The following FERMT1 variants were observed in gnomAD, a reference collection of about 807,000 sequenced individuals.
The protein encoded by FERMT1 is fermitin family homolog 1.
FERMT1 carries 60 observed loss-of-function variants against 85.3 expected under a neutral mutation model. The observed-to-expected ratio is 0.70, with a 90% CI of 0.57 to 0.87. The LOEUF (loss-of-function observed/expected upper bound fraction) is 0.87, where lower values mean the gene tolerates loss of function less well. FERMT1 is among the 40% of genes least tolerant of loss of function. The pLI is 0.00. For synonymous variants in FERMT1, 275 were observed against 301.1 expected (o/e 0.91, Z 0.90); for missense variants, 701 against 818.9 (o/e 0.86, Z 1.76).
intron 14 of FERMT1, 108 bp from the exon 15 acceptor site, chr20:6,077,454 A>G (rs576372952): frequency 1.4e-4 from 135 of 977,380 alleles, no homozygotes; most frequent in South Asian, 1.2e-3. Flanking sequence ...GGTGGATAAC[A>G]GATGGATATC....
In FERMT1 at chr20:6,119,395, G is replaced by C. The variant is rs1490131460; in HGVS notation, c.151+9C>G. On this transcript the variant is annotated intron_variant, in intron 2 of 14. Coordinates refer to ENST00000217289, the MANE Select transcript of FERMT1 (RefSeq NM_017671.5). ...AATACAGAGAAACCGTAAAGCAAGA[G>C]TAACTTACTGATCTGTTCTACTAAC... 1.2e-6 allele frequency: 2 copies of C among 1,613,794 alleles called. No individual in the cohort carries two copies. Among genetic ancestry groups the C allele is most frequent in the Non-Finnish European group, 1.7e-6 (2 of 1,179,676 alleles).
rs753458351 is a variant in FERMT1, at chr20:6,107,597, T to A, written c.784A>T (p.Ile262Phe). 1.2e-6 allele frequency: 2 copies of A among 1,612,954 alleles called. No individual in the cohort carries two copies. The highest frequency in any genetic ancestry group is 1.7e-6 in the Non-Finnish European group (2 of 1,179,196). ...AAGAGCAGCTGCTCATCCTCTTGGA[T>A]GCCTTGTTCCATAAGGGAGCGTGAG... ...DSSRSLMEQG[I>F]QEDEQLLLRF... is the part of the protein sequence containing the mutation. Residue 262 changes from isoleucine (I) to phenylalanine (F), a missense_variant, in exon 6 of 15, where the codon ATC (isoleucine) becomes TTC (phenylalanine). Transcript: ENST00000217289.
chr20:6,111,868 C>CT lies in FERMT1; in HGVS notation c.532+608dup, dbSNP rs11338566. ...TGATTTAACTTATCTTTTTTCTTTTCTTTTTTTTTTTTTGAGACAGGGTCT... is the reference window on the plus strand; with the variant it reads ...TGATTTAACTTATCTTTTTTCTTTTCTTTTTTTTTTTTTTGAGACAGGGTCT... On this transcript the variant is annotated intron_variant, in intron 4 of 14. Coordinates refer to ENST00000217289, the MANE Select transcript of FERMT1 (RefSeq NM_017671.5). Among the ~76,000 whole-genome samples the CT allele has an allele frequency of 6.5e-3, 926 of 142,728 alleles. 7 individuals carry two copies. The highest frequency in any genetic ancestry group is 0.021 in the African/African-American group (806 of 38,808). 93.6% of individuals were successfully genotyped at this position (142,728 alleles called of 152,430 possible).
In FERMT1 at chr20:6,119,672, T is replaced by C. The variant is rs1983213669; in HGVS notation, c.-18-100A>G. 1.2e-5 allele frequency: 11 copies of C among 950,316 alleles called. No homozygotes were observed. The South Asian group carries it at 1.5e-4, about 13-fold the overall frequency. The allele number at this position is 950,316 out of a possible 1,614,324, so 58.9% of individuals were successfully genotyped here. ...AATTTCTTTTTTGTTTTGTTTTTCA[T>C]TGTAACCTCCTCTTCAAAACACTCT... On this transcript the variant is annotated intron_variant, in intron 1 of 14. Transcript: ENST00000217289.
rs571106176 is a variant in FERMT1 at position 6,083,713 on chromosome 20, A to C, written c.1718+327T>G. Among the ~76,000 whole-genome samples, 345 of 151,682 alleles carry C rather than the reference A, an allele frequency of 2.3e-3. 2 individuals are homozygous for C. The highest frequency in any genetic ancestry group is 8.0e-3 in the African/African-American group (332 of 41,336). The stretch of plus-strand genomic sequence containing the variant: ...TCTCTTAAAAAAAAAAAACAAAAAA[A>C]AAAAAACCGAAAAGAAGTTACAGAT... On this transcript the variant is annotated intron_variant, in intron 13 of 14. Transcript: ENST00000217289.
Position 6,120,874 on chromosome 20 carries a change from C to A in FERMT1, c.-18-1302G>T, listed in dbSNP as rs148027390. 2.0e-5 allele frequency among the ~76,000 whole-genome samples: 3 copies of A among 152,262 alleles called. No individual in the cohort carries two copies. In the East Asian group the frequency reaches 5.8e-4, roughly 29 times the overall value. ...GGGTATACTCAGTTCTTCCCTTCAA[C>A]CTATTTAGATCAATATTAAACCAGG... is the stretch of plus-strand genomic sequence containing the variant. On this transcript the variant is annotated intron_variant, in intron 1 of 14. Transcript: ENST00000217289.
At chr20:6,121,454 G>A (rs149790892) in intron 1 of FERMT1, among the ~76,000 whole-genome samples, 261 of 152,252 alleles carry the variant, frequency 1.7e-3, no homozygotes, top group African/African-American at 6.0e-3. Flanking sequence ...AGCATGCAAC[G>A]ATGCAATGCA....
At chr20:6,086,486 A>G (rs369649501) in intron 11 of FERMT1, among the ~76,000 whole-genome samples, 1 of 152,134 alleles carries the variant, frequency 6.6e-6, no homozygotes, top group Admixed American at 6.5e-5. Flanking sequence ...ACAGTTAAAG[A>G]GGGGCGTTCT....
At chr20:6,116,396 TA>T (rs940492824) in intron 2 of FERMT1, among the ~76,000 whole-genome samples, 69 of 151,292 alleles carry the variant, frequency 4.6e-4, no homozygotes, top group African/African-American at 1.6e-3. Context: ...TTAAATCAAA[TA>T]AAAAAATTTA....
At chr20:6,112,378 T>C in intron 4 of FERMT1, 99 bp downstream of exon 4, 1 of 1,248,078 alleles carries the variant, frequency 8.0e-7, no homozygotes, top group Admixed American at 1.7e-5. Flanking sequence ...TTCTGCAATT[T>C]TATTTCTCCT....
chr20:6,097,986 T>C (rs1982556416), intron 6 of FERMT1, among the ~76,000 whole-genome samples: 1 of 151,998 alleles, frequency 6.6e-6, no homozygotes, highest in Non-Finnish European at 1.5e-5. Context: ...GGCTAATGTT[T>C]GTGTTTTTTT....
intron 9 of FERMT1, among the ~76,000 whole-genome samples, chr20:6,092,158 A>T (rs1179086185): frequency 6.6e-6 from 1 of 152,142 alleles, no homozygotes; most frequent in East Asian, 1.9e-4. Context: ...TTGCAACTAC[A>T]TATGTTAGGG....
At chr20:6,112,419 T>A (rs1382096145) in intron 4 of FERMT1, 58 bp downstream of exon 4, 41 of 1,554,866 alleles carry the variant, frequency 2.6e-5, no homozygotes, top group Non-Finnish European at 3.6e-5. Context: ...GAGAGATATA[T>A]TTCTCTCTTG....
chr20:6,102,026 C>G (rs1175621890), intron 6 of FERMT1, among the ~76,000 whole-genome samples: 1 of 151,972 alleles, frequency 6.6e-6, no homozygotes, highest in South Asian at 2.1e-4. Context: ...CCATCTTAAC[C>G]ATCCGCCTAC....
chr20:6,110,257 G>C, intron 5 of FERMT1, 41 bp downstream of exon 5: 1 of 1,500,810 alleles, frequency 6.7e-7, no homozygotes, highest in Non-Finnish European at 9.3e-7. Flanking sequence ...TTACTGTGTC[G>C]GCACTAGCTC....
chr20:6,076,968 G>C lies in FERMT1; in HGVS notation c.*205C>G, dbSNP rs1981842140. ...TACCCATTTTATAGAAAAAACAAGA[G>C]AGGCTCCTTCCGTGGCTGGTAGCAC... On this transcript the variant is annotated 3_prime_UTR_variant, in exon 15 of 15. Coordinates refer to ENST00000217289, the MANE Select transcript of FERMT1 (RefSeq NM_017671.5). 3.3e-6 allele frequency: 2 copies of C among 602,078 alleles called. No individual in the cohort carries two copies. The highest frequency in any genetic ancestry group is 3.9e-5 in the South Asian group (2 of 50,824). 37.3% of individuals were successfully genotyped at this position (602,078 alleles called of 1,614,324 possible). A position where few individuals can be genotyped will look rare whatever the true frequency, so the allele number is the denominator to read the frequency against.
At chr20:6,095,086 G>A (rs1982466043) in intron 8 of FERMT1, 98 bp from the exon 9 acceptor site, 11 of 730,632 alleles carry the variant, frequency 1.5e-5, no homozygotes, top group Non-Finnish European at 2.5e-5. Flanking sequence ...TGCTATATGT[G>A]CCTATTTAAA....
At chr20:6,105,063 C>T (rs1025414760) in intron 6 of FERMT1, among the ~76,000 whole-genome samples, 1 of 152,110 alleles carries the variant, frequency 6.6e-6, no homozygotes. Flanking sequence ...ACTGGGAAAG[C>T]CTGACTCACA....
chr20:6,082,126 C>T (rs1014096904), intron 13 of FERMT1, among the ~76,000 whole-genome samples: 2 of 152,180 alleles, frequency 1.3e-5, no homozygotes, highest in African/African-American at 4.8e-5. Flanking sequence ...TTCGCTACAC[C>T]TGGGCCCACT....
Sources: gnomAD v4.1 joint callset for allele counts (sites outside exome capture counted in the v4.1 genomes callset) on GRCh38, gnomAD v4.1.1 for gene constraint, MANE v1.5 for transcripts, NCBI Gene and HGNC (gene_info 2026-07-23, HGNC 2026-07-21) for gene names.